CCDC171: variants seen among roughly 807,000 people sequenced by gnomAD.
The protein encoded by CCDC171 is coiled-coil domain-containing protein 171.
CCDC171 carries 177 observed loss-of-function variants against 168.2 expected under a neutral mutation model. The ratio of observed to expected loss-of-function variants is 1.05; its 90% confidence interval spans 0.93 to 1.19. The LOEUF is 1.19. CCDC171 is among the 50% of genes most tolerant of loss of function. CCDC171 has a pLI of 0.00. For missense variants in CCDC171, 1,991 were observed against 1,539.0 expected, an observed-to-expected ratio of 1.29 and a Z score of -4.91; for synonymous variants, 687 against 540.8, an observed-to-expected ratio of 1.27 and a Z score of -3.75.
chr9:16,048,949 C>CA (rs34680045), intron 1 of CCDC171, among the ~76,000 whole-genome samples: 96,338 of 136,996 alleles, frequency 0.7, 33,754 homozygotes, highest in East Asian at 0.84. Context: ...TATAGAAAGA[C>CA]AAAAAAAAAA....
intron 7 of CCDC171, among the ~76,000 whole-genome samples, chr9:15,654,299 A>G (rs886507141): frequency 6.6e-6 from 1 of 152,198 alleles, no homozygotes; most frequent in African/African-American, 2.4e-5. Context: ...AGTTCATTGT[A>G]AAAGAATATT....
intron 3 of CCDC171, among the ~76,000 whole-genome samples, chr9:15,999,070 G>T (rs192986564): frequency 6.6e-6 from 1 of 151,958 alleles, no homozygotes; most frequent in East Asian, 1.9e-4. Context: ...TTTAACAAGG[G>T]CATAGTGGTG....
intron 25 of CCDC171, among the ~76,000 whole-genome samples, chr9:15,933,436 G>T (rs1826754149): frequency 6.6e-6 from 1 of 151,090 alleles, no homozygotes. Flanking sequence ...TGTCAATTTT[G>T]TTTACTTTTC....
intron 25 of CCDC171, among the ~76,000 whole-genome samples, chr9:15,930,601 C>G (rs963822177): frequency 6.6e-6 from 1 of 151,430 alleles, no homozygotes. Context: ...TTGTTAGTGA[C>G]GATATACTGA....
intron 6 of CCDC171, among the ~76,000 whole-genome samples, chr9:15,610,337 T>C (rs1289798736): frequency 1.3e-5 from 2 of 149,214 alleles, no homozygotes; most frequent in South Asian, 2.1e-4. Context: ...CTGGGCGCGA[T>C]GGCTCATGCC....
chr9:15,632,121 T>C (rs1414406184), intron 7 of CCDC171, among the ~76,000 whole-genome samples: 1 of 151,784 alleles, frequency 6.6e-6, no homozygotes. Flanking sequence ...AAGACAGGGA[T>C]GCCCTCTCTC....
At chr9:15,584,970 G>A (rs1369740521) in intron 4 of CCDC171, among the ~76,000 whole-genome samples, 1 of 152,172 alleles carries the variant, frequency 6.6e-6, no homozygotes, top group Non-Finnish European at 1.5e-5. Context: ...AAGATAGAGA[G>A]ATGACTATTA....
intron 4 of CCDC171, among the ~76,000 whole-genome samples, chr9:15,589,359 C>T (rs1011991852): frequency 6.6e-6 from 1 of 152,174 alleles, no homozygotes; most frequent in Non-Finnish European, 1.5e-5. Context: ...TCTGGACTTT[C>T]CAATGACACC....
At chr9:15,893,037 A>G (rs1303091277) in intron 24 of CCDC171, among the ~76,000 whole-genome samples, 3 of 152,214 alleles carry the variant, frequency 2.0e-5, no homozygotes, top group Non-Finnish European at 4.4e-5. Context: ...TTCAAACTAT[A>G]TTACAAGGCT....
intron 24 of CCDC171, among the ~76,000 whole-genome samples, chr9:15,909,123 C>CT (rs1823220617): frequency 6.6e-6 from 1 of 152,122 alleles, no homozygotes; most frequent in Non-Finnish European, 1.5e-5. Flanking sequence ...AATCATATTT[C>CT]TTTCACTATG....
chr9:15,758,624 G>T (rs116032280), intron 18 of CCDC171, among the ~76,000 whole-genome samples: 1,880 of 152,238 alleles, frequency 0.012, 45 homozygotes, highest in African/African-American at 0.042. Context: ...GGGAGTCAGG[G>T]TGGAATGATA....
chr9:15,628,176 G>T (rs565213110), intron 7 of CCDC171, among the ~76,000 whole-genome samples: 2 of 152,128 alleles, frequency 1.3e-5, no homozygotes, highest in East Asian at 1.9e-4. Flanking sequence ...GACAGTGGGC[G>T]CAGGACAGTG....
intron 10 of CCDC171, among the ~76,000 whole-genome samples, chr9:15,680,806 G>C (rs2049988472): frequency 6.6e-6 from 1 of 152,138 alleles, no homozygotes; most frequent in South Asian, 2.1e-4. Flanking sequence ...GGGTCATTGA[G>C]CTGAGTACTG....
chr9:15,939,220 A>G (rs1458652900), intron 25 of CCDC171, among the ~76,000 whole-genome samples: 2 of 151,598 alleles, frequency 1.3e-5, no homozygotes, highest in Non-Finnish European at 3.0e-5. Flanking sequence ...TCACTATTTC[A>G]TGGTATTATA....
chr9:15,720,311 A>G (rs963686444), intron 11 of CCDC171, among the ~76,000 whole-genome samples: 7 of 152,170 alleles, frequency 4.6e-5, no homozygotes, highest in African/African-American at 1.7e-4. Flanking sequence ...CTAATAATAG[A>G]ATATTTGAAG....
intron 9 of CCDC171, among the ~76,000 whole-genome samples, chr9:15,669,364 T>C (rs1241060878): frequency 6.6e-6 from 1 of 152,180 alleles, no homozygotes; most frequent in East Asian, 1.9e-4. Flanking sequence ...GTTGTACATA[T>C]TTATGGGGTA....
chr9:15,806,893 C>A (rs2059108760), intron 21 of CCDC171, among the ~76,000 whole-genome samples: 1 of 152,094 alleles, frequency 6.6e-6, no homozygotes. Flanking sequence ...TTACGTAATC[C>A]CATGTTTCTC....
intron 16 of CCDC171, 79 bp downstream of exon 16, chr9:15,729,877 G>C (rs2054048314): frequency 8.9e-7 from 1 of 1,118,296 alleles, no homozygotes; most frequent in African/African-American, 1.6e-5. Flanking sequence ...TTCAGTAGCA[G>C]TGCTAAATCA....
intron 21 of CCDC171, among the ~76,000 whole-genome samples, chr9:15,833,657 T>G (rs9298739): frequency 6.6e-6 from 1 of 151,986 alleles, no homozygotes; most frequent in African/African-American, 2.4e-5. Flanking sequence ...TGTAAACTTA[T>G]AAACCTCCAA....
Sources: gnomAD v4.1 joint callset for allele counts (sites outside exome capture counted in the v4.1 genomes callset) on GRCh38, gnomAD v4.1.1 for gene constraint, MANE v1.5 for transcripts, NCBI Gene and HGNC (gene_info 2026-07-23, HGNC 2026-07-21) for gene names.